Variants in ALDH1A3 observed in about 807,000 individuals in gnomAD.
ALDH1A3 encodes the protein retinaldehyde dehydrogenase 3.
ALDH1A3 carries 28 observed loss-of-function variants against 57.5 expected under a neutral mutation model. The ratio of observed to expected loss-of-function variants is 0.49; its 90% CI spans 0.36 to 0.67. The LOEUF (loss-of-function observed/expected upper bound fraction) is 0.67. ALDH1A3 is among the 30% of genes least tolerant of loss of function. The pLI, the probability that ALDH1A3 is intolerant of heterozygous loss-of-function variation, is 0.00. For missense variants in ALDH1A3, 507 were observed against 669.4 expected, an observed-to-expected ratio of 0.76 and a Z score of 2.68; for synonymous variants, 281 against 264.8, an observed-to-expected ratio of 1.06 and a Z score of -0.59.
rs1232748532 is a variant in ALDH1A3 at position 100,894,681 on chromosome 15, C to T, written c.666+599C>T. On this transcript the variant is annotated intron_variant, in intron 6 of 12. Transcript: ENST00000329841. This position sits in a 1 kb window ranked among gnomAD's most constrained non-coding sequence, Gnocchi z 4.5. ...GAAAGCAACAGGAAGCAAAGAGGGA[C>T]AGAAGAAAAGATCCATTCCTTTCTC... 6.6e-6 allele frequency: 1 copy of T among 152,442 alleles called. No homozygotes were observed. The highest frequency in any genetic ancestry group is 1.5e-5 in the Non-Finnish European group (1 of 68,254). The allele number at this position is 152,442 out of a possible 1,614,324, so 9.4% of individuals were successfully genotyped here. A position where few individuals can be genotyped will look rare whatever the true frequency, so the allele number is the denominator to read the frequency against.
chr15:100,902,760 T>C (rs2041782485), intron 9 of ALDH1A3, among the ~76,000 whole-genome samples: 1 of 152,240 alleles, frequency 6.6e-6, no homozygotes, highest in African/African-American at 2.4e-5. Flanking sequence ...TGACATTTCA[T>C]GGAGGATTAT....
chr15:100,906,983 T>C lies in ALDH1A3; in HGVS notation c.1234-138T>C, dbSNP rs2041828816. The C allele has an allele frequency of 2.2e-6, 2 of 926,496 alleles. No individual in the cohort carries two copies. Among genetic ancestry groups the C allele is most frequent in the Middle Eastern group, 3.5e-4 (1 of 2,898 alleles). The allele number at this position is 926,496 out of a possible 1,614,324, so 57.4% of individuals were successfully genotyped here. A position where few individuals can be genotyped will look rare whatever the true frequency, so the allele number is the denominator to read the frequency against. On this transcript the variant is annotated intron_variant, in intron 10 of 12. Transcript: ENST00000329841. The surrounding 1 kb of genome is among the most constrained non-coding windows in gnomAD (Gnocchi z 4.8). ...GCTGAAGCAATGTTTGGACGTTCTT[T>C]CTTCTCTAATCATCGTTTTTCAGGC...
At chr15:100,885,237 C>A in intron 1 of ALDH1A3, 30 bp from the exon 2 acceptor site, 1 of 1,479,648 alleles carries the variant, frequency 6.8e-7, no homozygotes, top group South Asian at 1.1e-5. Context: ...TGATCTAAAC[C>A]TAATTGGTTA....
chr15:100,892,587 C>G lies in ALDH1A3; in HGVS notation c.423C>G (p.Leu141=). 1.2e-6 allele frequency: 2 copies of G among 1,613,446 alleles called. No individual in the cohort carries two copies. Among genetic ancestry groups the G allele is most frequent in the East Asian group, 2.2e-5 (1 of 44,876 alleles). ...ACCTGGAGGGCTGTATTAGAACCCT[C>G]AGATACTTTGCAGGGTGGGCAGACA... The part of the protein sequence containing the change: ...FIDLEGCIRT[L]RYFAGWADKI... Residue 141 remains leucine (L), a synonymous_variant, in exon 4 of 13, where the codon CTC becomes CTG. Transcript: ENST00000329841.
chr15:100,882,250 T>A (rs948252365), intron 1 of ALDH1A3, among the ~76,000 whole-genome samples: 6 of 152,336 alleles, frequency 3.9e-5, no homozygotes, highest in Non-Finnish European at 8.8e-5. Flanking sequence ...TCAAAGCCCC[T>A]TCATTTGTCC....
chr15:100,894,367 G>T lies in ALDH1A3; in HGVS notation c.666+285G>T. On this transcript the variant is annotated intron_variant, in intron 6 of 12. Transcript: ENST00000329841. This position sits in a 1 kb window ranked among gnomAD's most constrained non-coding sequence, Gnocchi z 4.5. ...AGTGGTTTGTCTAGAGAATTTTCAG[G>T]GGGGGTCAACCAAGAGGGAGCCAAA... The T allele has an allele frequency of 3.7e-6, 1 of 273,854 alleles. No individual in the cohort carries two copies. 17.0% of individuals were successfully genotyped at this position (273,854 alleles called of 1,614,324 possible). A position where few individuals can be genotyped will look rare whatever the true frequency, so the allele number is the denominator to read the frequency against.
In ALDH1A3 at chr15:100,907,131, C is replaced by A; in HGVS notation, c.1244C>A (p.Pro415Gln). The A allele has an allele frequency of 6.2e-7, 1 of 1,612,470 alleles. No individual in the cohort carries two copies. The highest frequency in any genetic ancestry group is 2.2e-5 in the East Asian group (1 of 44,856). ...TGCAATTAATCATAGATTTTCGGGCCAGTGCAACCAATACTGAAGTTCAAA... is the reference window on the plus strand; with the variant it reads ...TGCAATTAATCATAGATTTTCGGGCAAGTGCAACCAATACTGAAGTTCAAA... ...MRIAKEEIFG[P>Q]VQPILKFKSI... The change falls in exon 11 of 13, where the codon CCA becomes CAA. Residue 415 changes from proline (P) to glutamine (Q), a missense_variant. Transcript: ENST00000329841.
At chr15:100,881,135 C>A (rs1596202942) in intron 1 of ALDH1A3, 1 of 152,344 alleles carries the variant, frequency 6.6e-6, no homozygotes, top group East Asian at 1.9e-4. Flanking sequence ...AGTTGCAGGG[C>A]ACTATGTGTG....
intron 12 of ALDH1A3, among the ~76,000 whole-genome samples, chr15:100,909,551 G>A (rs373933221): frequency 1.1e-4 from 15 of 142,588 alleles, no homozygotes; most frequent in African/African-American, 4.0e-4. Flanking sequence ...AAACTCCTCC[G>A]TGTGTGTAAA....
intron 1 of ALDH1A3, among the ~76,000 whole-genome samples, chr15:100,881,875 A>T (rs148457094): frequency 3.3e-5 from 5 of 152,266 alleles, no homozygotes; most frequent in African/African-American, 1.2e-4. Flanking sequence ...AGACCTCCCC[A>T]TAGCAGTTGT....
At chr15:100,902,720 G>A (rs1169558303) in intron 9 of ALDH1A3, among the ~76,000 whole-genome samples, 1 of 152,236 alleles carries the variant, frequency 6.6e-6, no homozygotes, top group East Asian at 1.9e-4. Context: ...TTCCTGGCAG[G>A]TCTCTCTTCC....
intron 12 of ALDH1A3, chr15:100,914,447 A>C (rs2041911189): frequency 3.0e-6 from 1 of 335,786 alleles, no homozygotes; most frequent in South Asian, 9.6e-5. Flanking sequence ...CTCTAAAGGG[A>C]AACCCTTAGT....
In ALDH1A3 at chr15:100,906,582, T is replaced by C. The variant is rs1206354372; in HGVS notation, c.1234-539T>C. On this transcript the variant is annotated intron_variant, in intron 10 of 12. Coordinates refer to ENST00000329841, the MANE Select transcript of ALDH1A3 (RefSeq NM_000693.4). This position sits in a 1 kb window ranked among gnomAD's most constrained non-coding sequence, Gnocchi z 4.8. ...TACAAGCTCCCTTCAAAATCACCTT[T>C]AAATGTTCAAGCCTTAGTTCTTCCA... Among the ~76,000 whole-genome samples, 1 of 152,238 alleles carries C rather than the reference T, an allele frequency of 6.6e-6. No homozygotes were observed. The highest frequency in any genetic ancestry group is 6.5e-5 in the Admixed American group (1 of 15,288).
At chr15:100,902,991 C>G (rs920515478) in intron 9 of ALDH1A3, among the ~76,000 whole-genome samples, 16 of 152,222 alleles carry the variant, frequency 1.1e-4, no homozygotes, top group Non-Finnish European at 1.0e-4. Flanking sequence ...AACTGTTAAC[C>G]TGAGACTTGG....
rs79145783 is a variant in ALDH1A3, at chr15:100,914,897, C to T, written c.*124C>T. 422 of 846,840 alleles carry T rather than the reference C, an allele frequency of 5.0e-4. 3 individuals are homozygous for T. The East Asian group carries it at 8.0e-3, about 16-fold the overall frequency. 52.5% of individuals were successfully genotyped at this position (846,840 alleles called of 1,614,324 possible). A position where few individuals can be genotyped will look rare whatever the true frequency, so the allele number is the denominator to read the frequency against. On this transcript the variant is annotated 3_prime_UTR_variant, in exon 13 of 13. Transcript: ENST00000329841. The stretch of plus-strand genomic sequence containing the variant: ...CATTCTTCTGGAGGCTTTACATCTA[C>T]TGGAGTTGAATGATTGCTGTTTTCC...
chr15:100,900,478 G>C (rs2041755027), intron 8 of ALDH1A3, 97 bp from the exon 9 acceptor site: 2 of 1,149,056 alleles, frequency 1.7e-6, no homozygotes, highest in African/African-American at 1.5e-5. Context: ...CTGTTTTCTT[G>C]TGTGGGCAAT....
rs551823139 is a variant in ALDH1A3 at position 100,912,749 on chromosome 15, G to C, written c.1467-1952G>C. 2.8e-3 allele frequency among the ~76,000 whole-genome samples: 427 copies of C among 152,280 alleles called. 2 individuals are homozygous for C. Among genetic ancestry groups the C allele is most frequent in the African/African-American group, 7.9e-3 (329 of 41,544 alleles). Reference sequence around the variant, plus strand: ...CAAGGAGGTGATGGTTTTCCTATTTGATAGTTGATGAAGTTGAGGCTCAGG... The same window carrying C: ...CAAGGAGGTGATGGTTTTCCTATTTCATAGTTGATGAAGTTGAGGCTCAGG... On this transcript the variant is annotated intron_variant, in intron 12 of 12. Coordinates refer to ENST00000329841, the MANE Select transcript of ALDH1A3 (RefSeq NM_000693.4).
In ALDH1A3 at chr15:100,899,914, G is replaced by A. The variant is rs186498071; in HGVS notation, c.884-661G>A. Among the ~76,000 whole-genome samples the A allele has an allele frequency of 1.4e-3, 207 of 152,264 alleles. 2 individuals are homozygous for A. Among genetic ancestry groups the A allele is most frequent in the Admixed American group, 8.5e-4 (13 of 15,296 alleles). On this transcript the variant is annotated intron_variant, in intron 8 of 12. Transcript: ENST00000329841. ...GCATTTCTTAAGAAAGCAATAGTGC[G>A]GGGGTTGGTGGTGATGAAACCAGCC...
intron 1 of ALDH1A3, among the ~76,000 whole-genome samples, chr15:100,883,256 A>G (rs1379032358): frequency 6.6e-6 from 1 of 152,090 alleles, no homozygotes; most frequent in East Asian, 1.9e-4. Context: ...TCTTTCTACA[A>G]ATGGGCCCCT....
Sources: gnomAD v4.1 joint callset for allele counts (sites outside exome capture counted in the v4.1 genomes callset) on GRCh38, gnomAD v4.1.1 for gene constraint, Gnocchi (gnomAD v3.1) non-coding constraint, MANE v1.5 for transcripts, NCBI Gene and HGNC (gene_info 2026-07-23, HGNC 2026-07-21) for gene names.